SPATA6: variants seen among roughly 807,000 people sequenced by gnomAD.
SPATA6 encodes spermatogenesis-associated protein 6.
Under a neutral mutation model 65.3 loss-of-function variants are expected in SPATA6, and 56 were observed. The observed-to-expected ratio is 0.86, with a 90% CI of 0.69 to 1.07. The LOEUF (loss-of-function observed/expected upper bound fraction) is 1.07, where lower values mean the gene tolerates loss of function less well. Among genes scored for constraint, SPATA6 ranks in the 50% least tolerant of loss-of-function variants. The pLI is 0.00. For synonymous variants in SPATA6, 199 were observed against 213.2 expected (o/e 0.93, Z 0.58); for missense variants, 590 against 594.8 (o/e 0.99, Z 0.08).
intron 10 of SPATA6, 133 bp downstream of exon 10, chr1:48,359,450 AAAC>A (rs1407335956): frequency 6.0e-6 from 6 of 993,800 alleles, no homozygotes; most frequent in Non-Finnish European, 8.6e-6. Context: ...AATATATTCT[AAAC>A]AAAAACAATT....
intron 11 of SPATA6, among the ~76,000 whole-genome samples, chr1:48,319,835 CT>C (rs1047143538): frequency 1.3e-5 from 2 of 152,190 alleles, no homozygotes; most frequent in African/African-American, 4.8e-5. Flanking sequence ...CCGGTGACAA[CT>C]GCTGCACCCA....
Position 48,329,147 on chromosome 1 carries a change from C to T in SPATA6, c.1195-23269G>A, listed in dbSNP as rs75943105. On this transcript the variant is annotated intron_variant, in intron 11 of 12. Coordinates refer to ENST00000371847, the MANE Select transcript of SPATA6 (RefSeq NM_019073.4). ...TCAATAAGCAAAGGTGAGAGAATAACGAACTAAGAGAAAATTAAGAAATAC... is the reference window on the plus strand; with the variant it reads ...TCAATAAGCAAAGGTGAGAGAATAATGAACTAAGAGAAAATTAAGAAATAC... 9.2e-5 allele frequency among the ~76,000 whole-genome samples: 14 copies of T among 152,016 alleles called. 1 individual carries two copies. In the East Asian group the frequency reaches 1.9e-3, roughly 21 times the overall value.
chr1:48,272,158 C>A, the SPATA6 span, among the ~76,000 whole-genome samples: 1 of 152,056 alleles, frequency 6.6e-6, no homozygotes, highest in South Asian at 2.1e-4. Context: ...TTAACATATC[C>A]ATCACCTCTA....
chr1:48,311,600 A>C (rs142030447), intron 11 of SPATA6, among the ~76,000 whole-genome samples: 1 of 152,218 alleles, frequency 6.6e-6, no homozygotes. Context: ...GAGCCAAGAT[A>C]GCTGAATAGG....
intron 11 of SPATA6, among the ~76,000 whole-genome samples, chr1:48,345,298 A>C (rs1333506624): frequency 6.6e-6 from 1 of 152,178 alleles, no homozygotes; most frequent in African/African-American, 2.4e-5. Flanking sequence ...AACTAATGAG[A>C]ACAAAGATAC....
At chr1:48,400,957 G>A (rs2147937169) in intron 6 of SPATA6, 1 of 442,456 alleles carries the variant, frequency 2.3e-6, no homozygotes, top group South Asian at 3.6e-5. Context: ...AATGATCTTT[G>A]AGTTTACTAA....
chr1:48,412,084 T>C (rs750787781), intron 4 of SPATA6, among the ~76,000 whole-genome samples: 5 of 152,044 alleles, frequency 3.3e-5, no homozygotes, highest in Admixed American at 1.3e-4. Context: ...ATGGTCTCAA[T>C]CTCCTGACCT....
rs974587631 is a variant in SPATA6, at chr1:48,295,840, G to C, written c.*2873C>G. 7 of 152,038 alleles carry C rather than the reference G, an allele frequency of 4.6e-5. No homozygotes were observed. The highest frequency in any genetic ancestry group is 8.8e-5 in the Non-Finnish European group (6 of 67,982). 9.4% of individuals were successfully genotyped at this position (152,038 alleles called of 1,614,324 possible). The stretch of plus-strand genomic sequence containing the variant: ...ATCAGAAAACAACTCTGCCTGCCTA[G>C]GACTTCCTGATCGTACATATTAATT... On this transcript the variant is annotated 3_prime_UTR_variant, in exon 13 of 13. Coordinates refer to ENST00000371847, the MANE Select transcript of SPATA6 (RefSeq NM_019073.4).
chr1:48,422,462 G>C (rs1032839181), intron 3 of SPATA6, among the ~76,000 whole-genome samples: 1 of 152,298 alleles, frequency 6.6e-6, no homozygotes, highest in Non-Finnish European at 1.5e-5. Flanking sequence ...GGTCTACCAA[G>C]AAGAGGAAGC....
chr1:48,295,678 A>C lies in SPATA6; in HGVS notation c.*3035T>G, dbSNP rs1354810495. ...GTGGTTATTGTTGCACAACTCTGTGAATATAGTAAAAACCACTTAATTGTA... is the reference window on the plus strand; with the variant it reads ...GTGGTTATTGTTGCACAACTCTGTGCATATAGTAAAAACCACTTAATTGTA... On this transcript the variant is annotated 3_prime_UTR_variant, in exon 13 of 13. Coordinates refer to ENST00000371847, the MANE Select transcript of SPATA6 (RefSeq NM_019073.4). The C allele has an allele frequency of 6.6e-6, 1 of 152,192 alleles. No homozygotes were observed. The highest frequency in any genetic ancestry group is 1.5e-5 in the Non-Finnish European group (1 of 68,016). 9.4% of individuals were successfully genotyped at this position (152,192 alleles called of 1,614,324 possible).
In SPATA6 at chr1:48,298,742, A is replaced by C. The variant is rs1644858732; in HGVS notation, c.1438T>G (p.Ser480Ala). 1 of 1,613,642 alleles carries C rather than the reference A, an allele frequency of 6.2e-7. No individual in the cohort carries two copies. Among genetic ancestry groups the C allele is most frequent in the Admixed American group, 1.7e-5 (1 of 59,940 alleles). The part of the protein sequence containing the change: ...YRNLYKKACS[S>A]ASHTQESF ...AAGCTTTCCTGTGTATGTGAAGCAG[A>C]ACTACAGGCCTTTTTGTATAAGTTC... Residue 480 changes from serine (S) to alanine (A), a missense_variant, in exon 13 of 13, where the codon TCT becomes GCT. Physicochemically the swap from Ser to Ala is moderately conservative, Grantham distance 99. Coordinates refer to ENST00000371847, the MANE Select transcript of SPATA6 (RefSeq NM_019073.4).
rs1644826118 is a variant in SPATA6 at position 48,297,115 on chromosome 1, C to T, written c.*1598G>A. 7.4e-6 allele frequency: 1 copy of T among 135,634 alleles called. No individual in the cohort carries two copies. Among genetic ancestry groups the T allele is most frequent in the African/African-American group, 2.9e-5 (1 of 35,046 alleles). The allele number at this position is 135,634 out of a possible 1,614,324, so 8.4% of individuals were successfully genotyped here. A position where few individuals can be genotyped will look rare whatever the true frequency, so the allele number is the denominator to read the frequency against. On this transcript the variant is annotated 3_prime_UTR_variant, in exon 13 of 13. Transcript: ENST00000371847. ...TTTACCTCTATAATCCTACATATGA[C>T]TCTCTAAGAGGTGTGTGTGTGTGTG...
chr1:48,286,805 G>A, the SPATA6 span, among the ~76,000 whole-genome samples: 1 of 152,092 alleles, frequency 6.6e-6, no homozygotes, highest in African/African-American at 2.4e-5. Context: ...GGGAGGTCAA[G>A]GCAGGCAGAT....
chr1:48,405,358 CATTT>C (rs1242245980), intron 5 of SPATA6, among the ~76,000 whole-genome samples: 1 of 152,182 alleles, frequency 6.6e-6, no homozygotes, highest in Non-Finnish European at 1.5e-5. Context: ...CATCAGTACA[CATTT>C]ATTATCTCAC....
chr1:48,294,845 T>C (rs1208061030), downstream of SPATA6, among the ~76,000 whole-genome samples: 1 of 152,226 alleles, frequency 6.6e-6, no homozygotes, highest in Non-Finnish European at 1.5e-5. Flanking sequence ...CACTTCTAGC[T>C]AAAGCACTTG....
chr1:48,391,254 G>C (rs960954565), intron 8 of SPATA6, among the ~76,000 whole-genome samples: 11 of 150,742 alleles, frequency 7.3e-5, no homozygotes, highest in Admixed American at 1.3e-4. Context: ...ATGCATGCCT[G>C]TAGTCCCAGC....
chr1:48,438,638 C>T (rs1655170423), intron 3 of SPATA6, among the ~76,000 whole-genome samples: 1 of 152,182 alleles, frequency 6.6e-6, no homozygotes. Flanking sequence ...CCAAGCGAGA[C>T]TCGCCCATCT....
intron 1 of SPATA6, among the ~76,000 whole-genome samples, chr1:48,453,662 T>C (rs1174610619): frequency 6.6e-6 from 1 of 152,176 alleles, no homozygotes; most frequent in Non-Finnish European, 1.5e-5. Flanking sequence ...AAAGTACTTT[T>C]TACTTTAACT....
intron 3 of SPATA6, among the ~76,000 whole-genome samples, chr1:48,415,564 T>C (rs2147998319): frequency 6.6e-6 from 1 of 151,838 alleles, no homozygotes; most frequent in African/African-American, 2.4e-5. Flanking sequence ...AGATGGGACA[T>C]GGCTGAAGAA....
Sources: allele counts gnomAD v4.1 joint callset (sites outside exome capture counted in the v4.1 genomes callset), GRCh38; gene constraint gnomAD v4.1.1; transcripts MANE v1.5; gene names NCBI Gene and HGNC (gene_info 2026-07-23, HGNC 2026-07-21).